The following EPB41L3 variants were observed in gnomAD, a reference collection of about 807,000 sequenced individuals.
The protein encoded by EPB41L3 is erythrocyte membrane protein band 4.1 like 3, also known as band 4.1-like protein 3.
EPB41L3 carries 57 observed loss-of-function variants against 127.1 expected under a neutral mutation model. The ratio of observed to expected loss-of-function variants is 0.45; its 90% CI spans 0.36 to 0.56. The LOEUF (loss-of-function observed/expected upper bound fraction) is 0.56. Ranked by LOEUF, EPB41L3 falls within the 20% of genes least tolerant of loss-of-function variation. The pLI, the probability that EPB41L3 is intolerant of heterozygous loss-of-function variation, is 0.00. For missense variants in EPB41L3, 1,273 were observed against 1,372.2 expected, an observed-to-expected ratio of 0.93 and a Z score of 1.14; for synonymous variants, 572 against 549.5, an observed-to-expected ratio of 1.04 and a Z score of -0.57.
chr18:5,487,239 T>C (rs1403916786), intron 2 of EPB41L3, among the ~76,000 whole-genome samples: 1 of 151,950 alleles, frequency 6.6e-6, no homozygotes, highest in Non-Finnish European at 1.5e-5. Flanking sequence ...AAAAGACAAA[T>C]ACTGCATCTT....
chr18:5,474,967 A>G (rs1289191297), intron 3 of EPB41L3, among the ~76,000 whole-genome samples: 2 of 152,168 alleles, frequency 1.3e-5, no homozygotes, highest in African/African-American at 2.4e-5. Context: ...TTAACTTACA[A>G]TCTGACTTCC....
intron 1 of EPB41L3, among the ~76,000 whole-genome samples, chr18:5,501,579 C>T (rs982989609): frequency 1.4e-4 from 22 of 152,112 alleles, no homozygotes; most frequent in Admixed American, 1.3e-3. Context: ...TGGTTTTCCC[C>T]ACAGTTCTAT....
intron 21 of EPB41L3, 62 bp downstream of exon 21, chr18:5,395,003 CTG>C: frequency 6.6e-7 from 1 of 1,507,638 alleles, no homozygotes; most frequent in East Asian, 2.3e-5. Context: ...AGCATTGAAA[CTG>C]TAGGACCAAC....
chr18:5,614,022 C>T (rs2094762139), intron 2 of EPB41L3, among the ~76,000 whole-genome samples: 1 of 152,138 alleles, frequency 6.6e-6, no homozygotes, highest in South Asian at 2.1e-4. Flanking sequence ...GAGACCAAAA[C>T]AGTTGAGAAC....
At chr18:5,503,702 G>A (rs1454487234) in intron 1 of EPB41L3, among the ~76,000 whole-genome samples, 1 of 152,208 alleles carries the variant, frequency 6.6e-6, no homozygotes, top group African/African-American at 2.4e-5. Context: ...CCCTAGTCAA[G>A]GCTATCAATT....
chr18:5,425,708 C>T (rs2078078456), intron 9 of EPB41L3, among the ~76,000 whole-genome samples: 1 of 152,142 alleles, frequency 6.6e-6, no homozygotes, highest in South Asian at 2.1e-4. Context: ...TTTTCTCAGG[C>T]TGTAAATAGG....
Position 5,419,762 on chromosome 18 carries a change from C to T in EPB41L3, c.1455G>A (p.Arg485=). Residue 485 remains arginine (R), a synonymous_variant, in exon 12 of 23, where the codon CGG becomes CGA. Coordinates refer to ENST00000341928, the MANE Select transcript of EPB41L3 (RefSeq NM_012307.5). ...EEERDEEEDK[R]RKGEEVTPIS... ...TGGGCGTGACTTCTTCCCCCTTCCT[C>T]CGTTTGTCCTCTTCCTCGTCCCGCT... is the stretch of plus-strand genomic sequence containing the variant. The T allele has an allele frequency of 6.2e-7, 1 of 1,614,206 alleles. No individual in the cohort carries two copies. The highest frequency in any genetic ancestry group is 1.7e-5 in the Admixed American group (1 of 60,026).
At chr18:5,468,381 C>T (rs1298570930) in intron 3 of EPB41L3, among the ~76,000 whole-genome samples, 1 of 152,184 alleles carries the variant, frequency 6.6e-6, no homozygotes, top group Non-Finnish European at 1.5e-5. Flanking sequence ...GTGGAGTCCG[C>T]GGCCCCCTGA....
intron 3 of EPB41L3, among the ~76,000 whole-genome samples, chr18:5,462,934 T>C (rs2084287977): frequency 1.3e-5 from 2 of 152,194 alleles, no homozygotes; most frequent in Non-Finnish European, 2.9e-5. Flanking sequence ...CCATAAACTT[T>C]TTCTCTTGTA....
chr18:5,397,428 T>C lies in EPB41L3; in HGVS notation c.2473-2A>G, dbSNP rs1419629167. The C allele has an allele frequency of 1.2e-6, 2 of 1,603,392 alleles. No homozygotes were observed. Among genetic ancestry groups the C allele is most frequent in the African/African-American group, 1.3e-5 (1 of 74,776 alleles). Reference sequence around the variant, plus strand: ...GGACTCCGTCTTGGTTTCCATTTTCTGCATGGGAAGAGATTGTGGCATCAG... The same window carrying C: ...GGACTCCGTCTTGGTTTCCATTTTCCGCATGGGAAGAGATTGTGGCATCAG... On this transcript the variant is annotated splice_acceptor_variant, in intron 17 of 22. Transcript: ENST00000341928. LOFTEE classifies it high-confidence loss of function. This position sits in a 1 kb window ranked among gnomAD's most constrained non-coding sequence, Gnocchi z 4.1.
chr18:5,437,807 C>G (rs772386156), intron 6 of EPB41L3, among the ~76,000 whole-genome samples: 1 of 152,084 alleles, frequency 6.6e-6, no homozygotes, highest in African/African-American at 2.4e-5. Flanking sequence ...GTTTTCCCAC[C>G]AGGGTCAAGC....
intron 1 of EPB41L3, among the ~76,000 whole-genome samples, chr18:5,516,248 G>A (rs2092746576): frequency 2.6e-5 from 4 of 152,174 alleles, no homozygotes; most frequent in Admixed American, 2.6e-4. Flanking sequence ...CTTTCCAAGG[G>A]CTCATCTAAT....
At chr18:5,626,995 G>A (rs536264912) in intron 1 of EPB41L3, among the ~76,000 whole-genome samples, 1 of 152,168 alleles carries the variant, frequency 6.6e-6, no homozygotes, top group South Asian at 2.1e-4. Context: ...AGAAGAGAGA[G>A]AAGGCAGGGT....
At chr18:5,501,442 G>C (rs1020085104) in intron 1 of EPB41L3, among the ~76,000 whole-genome samples, 1 of 152,108 alleles carries the variant, frequency 6.6e-6, no homozygotes, top group South Asian at 2.1e-4. Flanking sequence ...AAACAGAAAC[G>C]AACACCAATT....
intron 1 of EPB41L3, among the ~76,000 whole-genome samples, chr18:5,499,134 T>G (rs28490333): frequency 0.19 from 29,635 of 152,060 alleles, 3,184 homozygotes; most frequent in African/African-American, 0.29. Flanking sequence ...TGTTAGTTAG[T>G]CACCTCCCTC....
intron 3 of EPB41L3, among the ~76,000 whole-genome samples, chr18:5,583,788 A>G (rs1356587057): frequency 6.6e-6 from 1 of 152,186 alleles, no homozygotes; most frequent in Non-Finnish European, 1.5e-5. Context: ...TTAGCCATTT[A>G]AAGGGACGTG....
intron 18 of EPB41L3, 82 bp from the exon 19 acceptor site, chr18:5,396,414 T>C: frequency 1.3e-6 from 2 of 1,539,002 alleles, no homozygotes; most frequent in South Asian, 2.3e-5. Context: ...TCTTGGTGGT[T>C]ATAAGCACAG....
intron 2 of EPB41L3, 63 bp downstream of exon 2, chr18:5,488,938 T>C: frequency 6.6e-6 from 10 of 1,507,286 alleles, no homozygotes; most frequent in Non-Finnish European, 8.8e-6. Flanking sequence ...GAGACCAAGG[T>C]TAAAGCCGAT....
intron 8 of EPB41L3, chr18:5,431,360 T>G (rs1555676013): frequency 6.6e-6 from 1 of 152,198 alleles, no homozygotes; most frequent in Non-Finnish European, 1.5e-5. Context: ...TTCAGTAAAT[T>G]TGCTTCTTCA....
Sources: allele counts gnomAD v4.1 joint callset (sites outside exome capture counted in the v4.1 genomes callset), GRCh38; gene constraint gnomAD v4.1.1; non-coding constraint Gnocchi (gnomAD v3.1); transcripts MANE v1.5; gene names NCBI Gene and HGNC (gene_info 2026-07-23, HGNC 2026-07-21).